EYA4: variants seen among roughly 807,000 people sequenced by gnomAD.
EYA4 encodes protein phosphatase EYA4.
EYA4 carries 31 observed loss-of-function variants against 87.9 expected under a neutral mutation model. The ratio of observed to expected loss-of-function variants is 0.35; its 90% confidence interval spans 0.27 to 0.48. The LOEUF (loss-of-function observed/expected upper bound fraction) is 0.48, where lower values mean the gene tolerates loss of function less well. Among genes scored for constraint, EYA4 ranks in the 20% least tolerant of loss-of-function variants. EYA4 has a pLI of 0.99. For missense variants in EYA4, 678 were observed against 761.4 expected, an observed-to-expected ratio of 0.89 and a Z score of 1.29; for synonymous variants, 263 against 270.6, an observed-to-expected ratio of 0.97 and a Z score of 0.28.
chr6:133,432,776 C>T (rs1480761486), intron 3 of EYA4, among the ~76,000 whole-genome samples: 3 of 152,094 alleles, frequency 2.0e-5, no homozygotes, highest in East Asian at 1.9e-4. Flanking sequence ...TCTGATCCCT[C>T]GTGGCAGGTG....
intron 17 of EYA4, among the ~76,000 whole-genome samples, chr6:133,516,759 C>G (rs992090148): frequency 6.6e-6 from 1 of 151,096 alleles, no homozygotes; most frequent in South Asian, 2.1e-4. Context: ...TTAATGAGAA[C>G]GTGCAGTATT....
chr6:133,478,069 A>G (rs182662865), intron 11 of EYA4, among the ~76,000 whole-genome samples: 1 of 152,244 alleles, frequency 6.6e-6, no homozygotes, highest in Non-Finnish European at 1.5e-5. Flanking sequence ...CACACACCCA[A>G]AATGGTGAAA....
chr6:133,311,034 A>T (rs184842850), intron 2 of EYA4, among the ~76,000 whole-genome samples: 1 of 152,138 alleles, frequency 6.6e-6, no homozygotes, highest in Non-Finnish European at 1.5e-5. Flanking sequence ...TCTCTCTAGT[A>T]TTTCAAGCCT....
intron 2 of EYA4, among the ~76,000 whole-genome samples, chr6:133,372,526 T>C (rs1286649291): frequency 6.6e-6 from 1 of 151,934 alleles, no homozygotes; most frequent in Non-Finnish European, 1.5e-5. Context: ...AAAATGTTGC[T>C]ACGATGTTGT....
At chr6:133,373,017 A>T (rs940034588) in intron 2 of EYA4, among the ~76,000 whole-genome samples, 18 of 152,082 alleles carry the variant, frequency 1.2e-4, no homozygotes, top group Non-Finnish European at 2.6e-4. Flanking sequence ...TTTGCATATG[A>T]ATTGAACAAT....
Position 133,468,609 on chromosome 6 carries a change from A to G in EYA4, c.848A>G (p.Gln283Arg), listed in dbSNP as rs376151731. 41 of 1,612,704 alleles carry G rather than the reference A, an allele frequency of 2.5e-5. No individual in the cohort carries two copies. Among genetic ancestry groups the G allele is most frequent in the African/African-American group, 4.0e-5 (3 of 74,846 alleles). Reference protein sequence around the residue: ...YTAFGQNQYAQYYSASTYGAY... With the variant: ...YTAFGQNQYARYYSASTYGAY... ...GCCTTTGGCCAAAACCAGTATGCACAGTATTATTCAGCATCAACGTATGGA... is the reference window on the plus strand; with the variant it reads ...GCCTTTGGCCAAAACCAGTATGCACGGTATTATTCAGCATCAACGTATGGA... The change falls in exon 11 of 20, where the codon CAG becomes CGG. Residue 283 changes from glutamine to arginine, a missense_variant. Physicochemically the swap from Gln to Arg is conservative, Grantham distance 43 (BLOSUM62 1). Transcript: ENST00000355286.
At chr6:133,247,047 A>G (rs1160428395) in intron 1 of EYA4, 2 of 152,206 alleles carry the variant, frequency 1.3e-5, no homozygotes, top group Admixed American at 1.3e-4. Context: ...TGTAAGGATA[A>G]CTAGATATTA....
chr6:133,350,627 G>A (rs1783569019), intron 2 of EYA4, among the ~76,000 whole-genome samples: 1 of 152,042 alleles, frequency 6.6e-6, no homozygotes, highest in Non-Finnish European at 1.5e-5. Context: ...AGAGAGCTGA[G>A]GTGGGTGAAG....
At chr6:133,340,463 AG>A (rs1782698764) in intron 2 of EYA4, among the ~76,000 whole-genome samples, 1 of 152,236 alleles carries the variant, frequency 6.6e-6, no homozygotes, top group Admixed American at 6.5e-5. Context: ...GCTACAAGAA[AG>A]ACGCAGCTGA....
chr6:133,472,305 G>A (rs1175637000), intron 11 of EYA4, among the ~76,000 whole-genome samples: 26 of 92,674 alleles, frequency 2.8e-4, no homozygotes, highest in African/African-American at 3.7e-4. Flanking sequence ...CTTTGTTCTC[G>A]TTGGTTTCGA....
At chr6:133,389,035 C>T (rs1787026129) in intron 3 of EYA4, among the ~76,000 whole-genome samples, 1 of 152,176 alleles carries the variant, frequency 6.6e-6, no homozygotes, top group South Asian at 2.1e-4. Flanking sequence ...GACTCTCCTT[C>T]CCTTTCAGTT....
At chr6:133,435,189 A>G (rs553209484) in intron 3 of EYA4, 2 of 152,368 alleles carry the variant, frequency 1.3e-5, no homozygotes, top group Admixed American at 1.3e-4. Context: ...TCTCAAGTCT[A>G]GAGCTGTAGG....
intron 1 of EYA4, among the ~76,000 whole-genome samples, chr6:133,271,348 G>A (rs1776669563): frequency 6.6e-6 from 1 of 152,168 alleles, no homozygotes; most frequent in Non-Finnish European, 1.5e-5. Flanking sequence ...CTGTGAGCAT[G>A]AGCCCATTGT....
At chr6:133,354,499 T>C (rs538975188) in intron 2 of EYA4, among the ~76,000 whole-genome samples, 1 of 152,336 alleles carries the variant, frequency 6.6e-6, no homozygotes, top group South Asian at 2.1e-4. Flanking sequence ...TGTCATTTAT[T>C]CACCAGAATA....
intron 3 of EYA4, among the ~76,000 whole-genome samples, chr6:133,429,116 G>A (rs144267251): frequency 1.0e-3 from 157 of 151,246 alleles, no homozygotes; most frequent in African/African-American, 3.5e-3. Flanking sequence ...TAGTAGAGAC[G>A]GGGTTTCACC....
intron 2 of EYA4, among the ~76,000 whole-genome samples, chr6:133,354,033 T>A (rs1290326895): frequency 6.6e-6 from 1 of 152,204 alleles, no homozygotes; most frequent in Non-Finnish European, 1.5e-5. Context: ...CTTTCTGTTG[T>A]CACATTTTTG....
chr6:133,334,242 G>T (rs532755400), intron 2 of EYA4, among the ~76,000 whole-genome samples: 2 of 152,326 alleles, frequency 1.3e-5, no homozygotes, highest in Non-Finnish European at 2.9e-5. Flanking sequence ...TAAAAAATCC[G>T]ATTTTAAAGA....
At chr6:133,414,802 G>T (rs1257906686) in intron 3 of EYA4, among the ~76,000 whole-genome samples, 1 of 152,146 alleles carries the variant, frequency 6.6e-6, no homozygotes, top group Non-Finnish European at 1.5e-5. Context: ...CAGGTGGAAA[G>T]ATAAGTTAGT....
chr6:133,504,181 G>A (rs925811967), intron 13 of EYA4, among the ~76,000 whole-genome samples: 2 of 152,172 alleles, frequency 1.3e-5, no homozygotes, highest in African/African-American at 4.8e-5. Flanking sequence ...GCCTCCCAAA[G>A]TGCTGGGAAC....
Sources: gnomAD v4.1 joint callset for allele counts (sites outside exome capture counted in the v4.1 genomes callset) on GRCh38, gnomAD v4.1.1 for gene constraint, MANE v1.5 for transcripts, NCBI Gene and HGNC (gene_info 2026-07-23, HGNC 2026-07-21) for gene names.